The following DPY19L2 variants were observed in gnomAD, a reference collection of about 807,000 sequenced individuals.
The protein encoded by DPY19L2 is dpy-19 like 2.
A neutral mutation model predicts 97.9 loss-of-function variants in DPY19L2; 34 were observed. That is an observed-to-expected ratio of 0.35 (90% CI 0.26 to 0.46). The LOEUF is 0.46. DPY19L2 is among the 20% of genes least tolerant of loss of function. The probability of loss-of-function intolerance (pLI) is 1.00; values close to 1 mark genes in which losing one functional copy is unlikely to be tolerated. For missense variants in DPY19L2, 623 were observed against 911.4 expected (o/e 0.68, Z 4.07); for synonymous variants, 230 against 307.9 (o/e 0.75, Z 2.65).
chr12:63,626,624 T>A, intron 6 of DPY19L2, 98 bp from the exon 7 acceptor site: 1 of 1,450,860 alleles, frequency 6.9e-7, no homozygotes, highest in Non-Finnish European at 9.2e-7. Flanking sequence ...AAAATCACAG[T>A]TTTCTATATT....
intron 7 of DPY19L2, 38 bp downstream of exon 7, chr12:63,626,431 T>C (rs2137861834): frequency 1.3e-6 from 2 of 1,541,756 alleles, no homozygotes; most frequent in East Asian, 2.3e-5. Context: ...CTCTACAGCC[T>C]CTTCTATTTC....
At chr12:63,588,909 A>G (rs1357939257) in intron 16 of DPY19L2, among the ~76,000 whole-genome samples, 3 of 151,998 alleles carry the variant, frequency 2.0e-5, no homozygotes, top group Middle Eastern at 6.8e-3. Flanking sequence ...GCCCACCACG[A>G]TGCCCAGCTA....
chr12:63,633,383 C>A (rs186147637), intron 6 of DPY19L2, among the ~76,000 whole-genome samples: 192 of 152,154 alleles, frequency 1.3e-3, no homozygotes, highest in African/African-American at 4.0e-3. Context: ...AACAAACAAC[C>A]CCATCAAAAA....
At chr12:63,592,762 T>C (rs1331353233) in intron 16 of DPY19L2, among the ~76,000 whole-genome samples, 2 of 151,188 alleles carry the variant, frequency 1.3e-5, no homozygotes, top group African/African-American at 2.4e-5. Flanking sequence ...CCAAAAGCAA[T>C]GGCAACAAAA....
intron 18 of DPY19L2, among the ~76,000 whole-genome samples, chr12:63,581,789 A>G (rs1880974337): frequency 7.6e-6 from 1 of 132,030 alleles, no homozygotes; most frequent in South Asian, 2.4e-4. Context: ...GGCCACCAGG[A>G]AACTCTTTTT....
At chr12:63,667,725 C>T (rs1397948710) in intron 1 of DPY19L2, among the ~76,000 whole-genome samples, 1 of 152,112 alleles carries the variant, frequency 6.6e-6, no homozygotes, top group Non-Finnish European at 1.5e-5. Flanking sequence ...AATTCTACCC[C>T]TCCCAAATAT....
intron 11 of DPY19L2, among the ~76,000 whole-genome samples, chr12:63,614,329 G>A (rs866312152): frequency 6.6e-6 from 1 of 152,040 alleles, no homozygotes; most frequent in African/African-American, 2.4e-5. Flanking sequence ...GAATTCTCTT[G>A]TAGAACAAGA....
At chr12:63,649,962 G>A (rs1893961761) in intron 4 of DPY19L2, among the ~76,000 whole-genome samples, 1 of 151,994 alleles carries the variant, frequency 6.6e-6, no homozygotes, top group African/African-American at 2.4e-5. Context: ...ACATCAAAAA[G>A]CTAATCCACC....
At chr12:63,567,375 G>T (rs1462649280) in intron 21 of DPY19L2, among the ~76,000 whole-genome samples, 1 of 151,850 alleles carries the variant, frequency 6.6e-6, no homozygotes, top group Non-Finnish European at 1.5e-5. Flanking sequence ...TTTTGATAGG[G>T]ATGACAACAA....
At chr12:63,599,440 A>G (rs1884784929) in intron 13 of DPY19L2, among the ~76,000 whole-genome samples, 1 of 152,152 alleles carries the variant, frequency 6.6e-6, no homozygotes, top group East Asian at 1.9e-4. Context: ...TAAATGGCAA[A>G]TGCTTACATT....
rs562069550 is a variant in DPY19L2 at position 63,563,351 on chromosome 12, AG to A, written c.2127-2690del. Among the ~76,000 whole-genome samples, 495 of 152,234 alleles carry A rather than the reference AG, an allele frequency of 3.3e-3. 1 individual carries two copies. Among genetic ancestry groups the A allele is most frequent in the African/African-American group, 0.012 (478 of 41,524 alleles). The stretch of plus-strand genomic sequence containing the variant: ...ATCTGAGAAATCTTAGCCTAATCCA[AG>A]GTTACAATAATTTTCTTCCATATTT... On this transcript the variant is annotated intron_variant, in intron 21 of 21. Coordinates refer to ENST00000324472, the MANE Select transcript of DPY19L2 (RefSeq NM_173812.5).
At chr12:63,627,808 A>G (rs1889833557) in intron 6 of DPY19L2, among the ~76,000 whole-genome samples, 1 of 152,156 alleles carries the variant, frequency 6.6e-6, no homozygotes. Context: ...GAGGACAGGG[A>G]CAGGTTCTTT....
chr12:63,629,498 AGAG>A lies in DPY19L2; in HGVS notation c.804-2975_804-2973del, dbSNP rs1834293330. On this transcript the variant is annotated intron_variant, in intron 6 of 21. Transcript: ENST00000324472. ...ATGATCAAATGAATGAAATGAAGCGAGAGGAGAAGTTTAGAGTAAAAAGAATAA... is the reference window on the plus strand; with the variant it reads ...ATGATCAAATGAATGAAATGAAGCGAGAGAAGTTTAGAGTAAAAAGAATAA... Among the ~76,000 whole-genome samples the A allele has an allele frequency of 5.3e-5, 8 of 152,272 alleles. No homozygotes were observed. In the South Asian group the frequency reaches 1.4e-3, roughly 28 times the overall value.
intron 6 of DPY19L2, among the ~76,000 whole-genome samples, chr12:63,631,251 C>A (rs1321910046): frequency 6.6e-6 from 1 of 151,810 alleles, no homozygotes; most frequent in African/African-American, 2.4e-5. Flanking sequence ...GACACAAAAA[C>A]CCCTTCAAAA....
intron 19 of DPY19L2, among the ~76,000 whole-genome samples, chr12:63,572,627 G>C (rs1423385854): frequency 6.6e-6 from 1 of 152,156 alleles, no homozygotes; most frequent in Non-Finnish European, 1.5e-5. Flanking sequence ...GTAAGACCCA[G>C]TGCTGTGCTA....
rs558880453 is a variant in DPY19L2 at position 63,652,709 on chromosome 12, C to G, written c.589-5344G>C. Among the ~76,000 whole-genome samples the G allele has an allele frequency of 4.6e-5, 7 of 152,202 alleles. No homozygotes were observed. In the South Asian group the frequency reaches 1.2e-3, roughly 27 times the overall value. Reference sequence around the variant, plus strand: ...AATACTCTGTGTTCTCACTTATAAGCGAAGCTAAACACTGAGTACACATGG... The same window carrying G: ...AATACTCTGTGTTCTCACTTATAAGGGAAGCTAAACACTGAGTACACATGG... On this transcript the variant is annotated intron_variant, in intron 4 of 21. Coordinates refer to ENST00000324472, the MANE Select transcript of DPY19L2 (RefSeq NM_173812.5).
intron 6 of DPY19L2, among the ~76,000 whole-genome samples, chr12:63,631,999 T>C (rs192461474): frequency 1.8e-3 from 278 of 152,160 alleles, no homozygotes; most frequent in Admixed American, 4.0e-3. Context: ...AAAAGGCCTT[T>C]GACAAAATTC....
Position 63,668,490 on chromosome 12 carries a change from G to C in DPY19L2, c.-97C>G. 3.1e-6 allele frequency: 4 copies of C among 1,270,914 alleles called. No individual in the cohort carries two copies. Among genetic ancestry groups the C allele is most frequent in the Non-Finnish European group, 4.2e-6 (4 of 946,838 alleles). The allele number at this position is 1,270,914 out of a possible 1,614,324, so 78.7% of individuals were successfully genotyped here. A position where few individuals can be genotyped will look rare whatever the true frequency, so the allele number is the denominator to read the frequency against. The stretch of plus-strand genomic sequence containing the variant: ...CCTGACTCGCCTGGCAGCCTCAACG[G>C]ACTTGTCCCCGCAGCCGTTGCGGAC... On this transcript the variant is annotated 5_prime_UTR_variant, in exon 1 of 22. Coordinates refer to ENST00000324472, the MANE Select transcript of DPY19L2 (RefSeq NM_173812.5).
At chr12:63,592,104 A>G (rs1257836281) in intron 16 of DPY19L2, among the ~76,000 whole-genome samples, 3 of 116,624 alleles carry the variant, frequency 2.6e-5, no homozygotes, top group Non-Finnish European at 5.4e-5. Flanking sequence ...AGAGAAAAGA[A>G]AAGAGAAGAG....
Sources: allele counts gnomAD v4.1 joint callset (sites outside exome capture counted in the v4.1 genomes callset), GRCh38; gene constraint gnomAD v4.1.1; transcripts MANE v1.5; gene names NCBI Gene and HGNC (gene_info 2026-07-23, HGNC 2026-07-21).